Variants in SP7 observed in about 807,000 individuals in gnomAD.
The protein encoded by SP7 is Sp7 transcription factor.
SP7 carries 13 observed loss-of-function variants against 27.9 expected under a neutral mutation model. The observed-to-expected ratio is 0.47, with a 90% confidence interval of 0.30 to 0.74. The LOEUF (loss-of-function observed/expected upper bound fraction) is 0.74. Ranked by LOEUF, SP7 falls within the 30% of genes least tolerant of loss-of-function variation. The pLI is 0.06. For missense variants in SP7, 525 were observed against 558.0 expected, an observed-to-expected ratio of 0.94 and a Z score of 0.60; for synonymous variants, 219 against 226.7, an observed-to-expected ratio of 0.97 and a Z score of 0.31.
chr12:53,339,612 C>T (rs1944804529), upstream of SP7, among the ~76,000 whole-genome samples: 3 of 151,686 alleles, frequency 2.0e-5, no homozygotes, highest in South Asian at 6.3e-4. Flanking sequence ...GTAATCCCAG[C>T]TACTTGGGAG....
At chr12:53,334,307 TCA>T (rs1455348337) in intron 2 of SP7, among the ~76,000 whole-genome samples, 2 of 148,562 alleles carry the variant, frequency 1.3e-5, no homozygotes, top group East Asian at 4.0e-4. Context: ...TCACTTGGAC[TCA>T]CAGCACTCAG....
chr12:53,329,987 G>A (rs1944685390), intron 2 of SP7, among the ~76,000 whole-genome samples: 1 of 151,868 alleles, frequency 6.6e-6, no homozygotes, highest in Non-Finnish European at 1.5e-5. Flanking sequence ...GCCCACCTCG[G>A]CCTCCCAAAG....
At chr12:53,329,523 AGG>A in intron 2 of SP7, 103 bp from the exon 3 acceptor site, 1 of 991,270 alleles carries the variant, frequency 1.0e-6, no homozygotes, top group Non-Finnish European at 1.5e-6. Flanking sequence ...AACAGAACAG[AGG>A]GGTCAGGGAA....
chr12:53,330,707 C>A (rs1276944743), intron 2 of SP7, among the ~76,000 whole-genome samples: 1 of 152,114 alleles, frequency 6.6e-6, no homozygotes, highest in Non-Finnish European at 1.5e-5. Flanking sequence ...ATATTTGCTC[C>A]CATGACAGAT....
At chr12:53,335,603 T>TG in intron 2 of SP7, 23 bp downstream of exon 2, 8 of 1,283,102 alleles carry the variant, frequency 6.2e-6, no homozygotes, top group Non-Finnish European at 8.7e-6. Context: ...GCTGGTTTCC[T>TG]GGGGGGAAGA....
intron 2 of SP7, among the ~76,000 whole-genome samples, chr12:53,330,299 G>C (rs376061522): frequency 6.6e-6 from 1 of 152,016 alleles, no homozygotes; most frequent in Non-Finnish European, 1.5e-5. Flanking sequence ...CAAAACTCCT[G>C]ACCTCAACCT....
In SP7 at chr12:53,328,184, C is replaced by T. The variant is rs747613685; in HGVS notation, c.1258G>A (p.Gly420Arg). ...AAGTTGCTCTGCTCAGGGCTGCCTC[C>T]AGGGGCTTTCTCTGGGGTTGCTGGC... ...ASPATPEKAP[G>R]GSPEQSNLLE... The change falls in exon 3 of 3, where the codon GGA becomes AGA. Residue 420 changes from glycine to arginine, a missense_variant. Gly to Arg is a moderately radical substitution (Grantham distance 125). Transcript: ENST00000536324. This position sits in a 1 kb window ranked among gnomAD's most constrained non-coding sequence, Gnocchi z 5.1. 6.2e-7 allele frequency: 1 copy of T among 1,613,088 alleles called. No homozygotes were observed. The highest frequency in any genetic ancestry group is 8.5e-7 in the Non-Finnish European group (1 of 1,179,674).
chr12:53,329,399 TG>T lies in SP7; in HGVS notation c.42del (p.Ser15ValfsTer6). On this transcript the variant is annotated frameshift_variant, in exon 3 of 3. Coordinates refer to ENST00000536324, the MANE Select transcript of SP7 (RefSeq NM_001173467.3). LOFTEE classifies it high-confidence loss of function. ...SLLEEEVHYG[S>X]SPLAMLTAAC... ...GCTGCCGTCAGCATGGCCAGGGGAC[TG>T]GAGCCATAGTGAACTTCCTCCTGTG... 6.2e-7 allele frequency: 1 copy of T among 1,613,948 alleles called. No homozygotes were observed. Among genetic ancestry groups the T allele is most frequent in the Non-Finnish European group, 8.5e-7 (1 of 1,179,856 alleles).
At chr12:53,329,530 A>G in intron 2 of SP7, 110 bp from the exon 3 acceptor site, 2 of 931,526 alleles carry the variant, frequency 2.1e-6, no homozygotes, top group Admixed American at 2.4e-5. Flanking sequence ...CAGAGGGGTC[A>G]GGGAAGAGTT....
At chr12:53,338,172 G>A (rs1477837585), upstream of SP7, among the ~76,000 whole-genome samples, 2 of 151,900 alleles carry the variant, frequency 1.3e-5, no homozygotes, top group Admixed American at 1.3e-4. Context: ...GGGCGGGGAA[G>A]GAGTATAAAT....
rs1175463803 is a variant in SP7 at position 53,328,649 on chromosome 12, C to T, written c.793G>A (p.Ala265Thr). 1.2e-5 allele frequency: 19 copies of T among 1,609,452 alleles called. No individual in the cohort carries two copies. The African/African-American group carries it at 1.9e-4, about 16-fold the overall frequency. ...GGGCAGTCGCAGGAGGAGCGCCCTG[C>T]CCCACTGCCCCCATATCCACCACTA... ...GGSGGYGGSG[A>T]GRSSCDCPNC... The change falls in exon 3 of 3, where the codon GCA becomes ACA. Residue 265 changes from alanine (A) to threonine (T), a missense_variant. Physicochemically the swap from Ala to Thr is moderately conservative, Grantham distance 58 (BLOSUM62 0). Coordinates refer to ENST00000536324, the MANE Select transcript of SP7 (RefSeq NM_001173467.3). The surrounding 1 kb of genome is among the most constrained non-coding windows in gnomAD (Gnocchi z 5.1).
Position 53,327,088 on chromosome 12 carries a change from C to T in SP7, c.*1058G>A, listed in dbSNP as rs148781361. ...CATAACCATGGCAACAGGGGATTAA[C>T]CTGATGGGGTCATGGTGTCTAAGGG... On this transcript the variant is annotated 3_prime_UTR_variant, in exon 3 of 3. Transcript: ENST00000536324. 6.0e-4 allele frequency: 92 copies of T among 152,708 alleles called. No homozygotes were observed. The highest frequency in any genetic ancestry group is 2.2e-3 in the African/African-American group (90 of 41,570). 9.5% of individuals were successfully genotyped at this position (152,708 alleles called of 1,614,324 possible).
rs2136831763 is a variant in SP7 at position 53,327,528 on chromosome 12, G to A, written c.*618C>T. On this transcript the variant is annotated 3_prime_UTR_variant, in exon 3 of 3. Coordinates refer to ENST00000536324, the MANE Select transcript of SP7 (RefSeq NM_001173467.3). ...CTGGTACATAGGGGTTAAATATACA[G>A]GCCTGGGGGCAGCCTCCCTGACCCT... 1 of 153,148 alleles carries A rather than the reference G, an allele frequency of 6.5e-6. No individual in the cohort carries two copies. Among genetic ancestry groups the A allele is most frequent in the Non-Finnish European group, 1.5e-5 (1 of 68,354 alleles). The allele number at this position is 153,148 out of a possible 1,614,324, so 9.5% of individuals were successfully genotyped here.
rs546883137 is a variant in SP7, at chr12:53,332,951, G to A, written c.21+2675C>T. ...GTCCCCCGCCCGGCCCTCACACTGC[G>A]GCCACAGGGGCCTCAGCCAAGCCCA... On this transcript the variant is annotated intron_variant, in intron 2 of 2. Coordinates refer to ENST00000536324, the MANE Select transcript of SP7 (RefSeq NM_001173467.3). Among the ~76,000 whole-genome samples, 7 of 152,252 alleles carry A rather than the reference G, an allele frequency of 4.6e-5. No homozygotes were observed. The South Asian group carries it at 8.3e-4, about 18-fold the overall frequency.
Position 53,328,856 on chromosome 12 carries a change from G to A in SP7, c.586C>T (p.Pro196Ser). 1.2e-6 allele frequency: 2 copies of A among 1,604,120 alleles called. No individual in the cohort carries two copies. The highest frequency in any genetic ancestry group is 1.7e-6 in the Non-Finnish European group (2 of 1,172,768). The part of the protein sequence containing the change: ...PAQPPLNPQL[P>S]TYPSDFAPLN... ...GGAGCAAAGTCAGATGGGTAGGTGG[G>A]CAGCTGGGGGTTCAGTGGAGGCTGA... Residue 196 changes from proline (P) to serine (S), a missense_variant, in exon 3 of 3, where the codon CCC becomes TCC. Physicochemically the swap from Pro to Ser is moderately conservative, Grantham distance 74. Transcript: ENST00000536324. This position sits in a 1 kb window ranked among gnomAD's most constrained non-coding sequence, Gnocchi z 5.1.
intron 2 of SP7, 78 bp downstream of exon 2, chr12:53,335,548 G>A (rs1944757177): frequency 2.6e-6 from 2 of 768,164 alleles, no homozygotes. Context: ...ATCTATGTGA[G>A]TTGGAGGAGG....
chr12:53,342,541 C>T (rs1461709351), intron 1 of SP7, among the ~76,000 whole-genome samples: 3 of 152,106 alleles, frequency 2.0e-5, no homozygotes, highest in African/African-American at 7.2e-5. Context: ...GAGGGCCAGG[C>T]GTGGTGGCTC....
At chr12:53,333,541 G>C (rs991650322) in intron 2 of SP7, among the ~76,000 whole-genome samples, 18 of 152,076 alleles carry the variant, frequency 1.2e-4, no homozygotes, top group Non-Finnish European at 2.1e-4. Context: ...GGGCTGACTG[G>C]CCTTAGGTTT....
chr12:53,340,652 C>T (rs1255535628), upstream of SP7, among the ~76,000 whole-genome samples: 1 of 152,188 alleles, frequency 6.6e-6, no homozygotes, highest in African/African-American at 2.4e-5. Flanking sequence ...AAGTTGCGCT[C>T]ATGTCCCGGG....
Sources: allele counts gnomAD v4.1 joint callset (sites outside exome capture counted in the v4.1 genomes callset), GRCh38; gene constraint gnomAD v4.1.1; non-coding constraint Gnocchi (gnomAD v3.1); transcripts MANE v1.5; gene names NCBI Gene and HGNC (gene_info 2026-07-23, HGNC 2026-07-21).